The following ROBO1 variants were observed in gnomAD, a reference collection of about 807,000 sequenced individuals.
The protein encoded by ROBO1 is roundabout homolog 1.
ROBO1 carries 149 observed loss-of-function variants against 195.9 expected under a neutral mutation model. That is an observed-to-expected ratio of 0.76 (90% CI 0.67 to 0.87). The LOEUF (loss-of-function observed/expected upper bound fraction) is 0.87. Among genes scored for constraint, ROBO1 ranks in the 40% least tolerant of loss-of-function variants. The pLI is 0.00. For synonymous variants in ROBO1, 816 were observed against 733.2 expected (o/e 1.11, Z -1.82); for missense variants, 1,933 against 2,068.3 (o/e 0.93, Z 1.27).
rs551675757 is a variant in ROBO1, at chr3:79,637,844, T to A, written c.-50-47883A>T. Among the ~76,000 whole-genome samples, 18 of 152,286 alleles carry A rather than the reference T, an allele frequency of 1.2e-4. No individual in the cohort carries two copies. In the South Asian group the frequency reaches 3.3e-3, roughly 28 times the overall value. Reference sequence around the variant, plus strand: ...CAATAAAAAGCAGTATCAGGCACTCTGTGTATTCCATAAATAGTCCAGTAG... The same window carrying A: ...CAATAAAAAGCAGTATCAGGCACTCAGTGTATTCCATAAATAGTCCAGTAG... On this transcript the variant is annotated intron_variant, in intron 1 of 30. Coordinates refer to ENST00000464233, the MANE Select transcript of ROBO1 (RefSeq NM_002941.4).
At chr3:79,461,814 A>G (rs1359788979) in intron 2 of ROBO1, among the ~76,000 whole-genome samples, 1 of 152,184 alleles carries the variant, frequency 6.6e-6, no homozygotes, top group Non-Finnish European at 1.5e-5. Context: ...ATGTTTGAAA[A>G]TGGCATAATG....
At chr3:79,109,157 T>G (rs929037014) in intron 3 of ROBO1, among the ~76,000 whole-genome samples, 2 of 151,846 alleles carry the variant, frequency 1.3e-5, no homozygotes, top group Non-Finnish European at 2.9e-5. Context: ...CTTAAAGTTT[T>G]TTTTTTCTTT....
intron 2 of ROBO1, among the ~76,000 whole-genome samples, chr3:79,141,867 T>C (rs1271895271): frequency 1.3e-5 from 2 of 152,154 alleles, no homozygotes; most frequent in Non-Finnish European, 2.9e-5. Flanking sequence ...ATACTACATA[T>C]ACACTATTTA....
At chr3:78,644,627 A>G (rs1044273518) in intron 21 of ROBO1, among the ~76,000 whole-genome samples, 1 of 152,162 alleles carries the variant, frequency 6.6e-6, no homozygotes, top group Non-Finnish European at 1.5e-5. Context: ...TTTGTGATAT[A>G]GTGAGCTTTC....
intron 4 of ROBO1, among the ~76,000 whole-genome samples, chr3:78,783,295 A>G (rs755037217): frequency 9.2e-5 from 14 of 152,160 alleles, no homozygotes; most frequent in Non-Finnish European, 1.9e-4. Context: ...TTGGAACAAT[A>G]TATTTTTTTA....
chr3:79,663,180 G>A (rs1946381409), intron 1 of ROBO1, among the ~76,000 whole-genome samples: 1 of 151,776 alleles, frequency 6.6e-6, no homozygotes, highest in Non-Finnish European at 1.5e-5. Flanking sequence ...GATTCTCTAT[G>A]GTTTACGAAC....
At chr3:79,049,831 A>G (rs1453972695) in intron 3 of ROBO1, among the ~76,000 whole-genome samples, 1 of 152,206 alleles carries the variant, frequency 6.6e-6, no homozygotes, top group Non-Finnish European at 1.5e-5. Flanking sequence ...AATACTTTAC[A>G]GACAAGCAAA....
At chr3:78,700,956 G>A (rs571630684) in intron 8 of ROBO1, among the ~76,000 whole-genome samples, 2 of 152,154 alleles carry the variant, frequency 1.3e-5, no homozygotes, top group South Asian at 4.2e-4. Context: ...TAGAGATGGG[G>A]TTTTGCCATG....
chr3:79,065,687 T>G (rs747945641), intron 3 of ROBO1, among the ~76,000 whole-genome samples: 10 of 152,012 alleles, frequency 6.6e-5, no homozygotes, highest in Non-Finnish European at 1.2e-4. Context: ...TCATCAAATA[T>G]ATTTCAATTC....
chr3:78,931,236 C>CTTTTTTTTTTTTTTT (rs71127369), intron 4 of ROBO1, among the ~76,000 whole-genome samples: 91 of 79,210 alleles, frequency 1.1e-3, no homozygotes, highest in Non-Finnish European at 1.6e-3. Context: ...TTCTTTCTTT[C>CTTTTTTTTTTTTTTT]TTTTTTTTTT....
At chr3:79,625,369 T>C (rs1165047816) in intron 1 of ROBO1, among the ~76,000 whole-genome samples, 1 of 96,332 alleles carries the variant, frequency 1.0e-5, no homozygotes. Context: ...TTGAAAGAGA[T>C]AGACACACGA....
At chr3:78,707,693 G>C (rs1437446490) in intron 8 of ROBO1, among the ~76,000 whole-genome samples, 2 of 152,108 alleles carry the variant, frequency 1.3e-5, no homozygotes, top group African/African-American at 4.8e-5. Flanking sequence ...ACCTGGTTTG[G>C]CAATGTTTAG....
chr3:78,882,715 T>G (rs180784272), intron 4 of ROBO1, among the ~76,000 whole-genome samples: 1 of 152,236 alleles, frequency 6.6e-6, no homozygotes, highest in Admixed American at 6.5e-5. Context: ...TCCCTGTCAT[T>G]TATATATTTA....
Position 78,675,289 on chromosome 3 carries a change from T to A in ROBO1, c.1343-4988A>T, listed in dbSNP as rs537693601. ...TTCTATCTGAGGTACCGGGTTCATCTCACTAGGGAGTGCCAGATAGAGGGC... is the reference window on the plus strand; with the variant it reads ...TTCTATCTGAGGTACCGGGTTCATCACACTAGGGAGTGCCAGATAGAGGGC... On this transcript the variant is annotated intron_variant, in intron 10 of 30. Transcript: ENST00000464233. Among the ~76,000 whole-genome samples the A allele has an allele frequency of 1.7e-4, 26 of 152,060 alleles. No homozygotes were observed. In the South Asian group the frequency reaches 5.0e-3, roughly 29 times the overall value.
At chr3:79,697,890 C>T (rs775198373) in intron 1 of ROBO1, among the ~76,000 whole-genome samples, 47 of 151,204 alleles carry the variant, frequency 3.1e-4, no homozygotes, top group Non-Finnish European at 5.2e-4. Context: ...AAGTATAAAA[C>T]AAGAGTTAAA....
At chr3:79,448,112 T>A (rs1460502423) in intron 2 of ROBO1, among the ~76,000 whole-genome samples, 1 of 152,192 alleles carries the variant, frequency 6.6e-6, no homozygotes, top group African/African-American at 2.4e-5. Flanking sequence ...GTGCTATTAT[T>A]AGCTAAATCT....
chr3:79,419,326 G>T (rs1481992967), intron 2 of ROBO1, among the ~76,000 whole-genome samples: 1 of 152,084 alleles, frequency 6.6e-6, no homozygotes, highest in East Asian at 1.9e-4. Flanking sequence ...TTATACACTG[G>T]AGTCACTCCA....
intron 2 of ROBO1, among the ~76,000 whole-genome samples, chr3:79,554,855 C>G (rs1412235947): frequency 1.3e-5 from 2 of 152,038 alleles, no homozygotes; most frequent in Non-Finnish European, 2.9e-5. Flanking sequence ...ATATCTAACT[C>G]AGAACTTACT....
At chr3:79,439,237 A>G (rs548462501) in intron 2 of ROBO1, among the ~76,000 whole-genome samples, 1 of 152,150 alleles carries the variant, frequency 6.6e-6, no homozygotes, top group South Asian at 2.1e-4. Flanking sequence ...AAGACAGGCA[A>G]ATTTCGTACT....
Sources: gnomAD v4.1 joint callset for allele counts (sites outside exome capture counted in the v4.1 genomes callset) on GRCh38, gnomAD v4.1.1 for gene constraint, MANE v1.5 for transcripts, NCBI Gene and HGNC (gene_info 2026-07-23, HGNC 2026-07-21) for gene names.